Variants in HSD17B4 observed in about 807,000 individuals in gnomAD.
The protein encoded by HSD17B4 is hydroxysteroid 17-beta dehydrogenase 4.
In HSD17B4, 70 loss-of-function variants were observed where a neutral mutation model predicts 101.0. The observed-to-expected ratio is 0.69, with a 90% CI of 0.57 to 0.85. The LOEUF is 0.85. HSD17B4 is among the 40% of genes least tolerant of loss of function. The pLI, the probability that HSD17B4 is intolerant of heterozygous loss-of-function variation, is 0.00. For synonymous variants in HSD17B4, 347 were observed against 297.1 expected (o/e 1.17, Z -1.73); for missense variants, 984 against 892.4 (o/e 1.10, Z -1.31).
At chr5:119,481,843 C>T (rs1749165815) in intron 8 of HSD17B4, among the ~76,000 whole-genome samples, 1 of 152,120 alleles carries the variant, frequency 6.6e-6, no homozygotes, top group Admixed American at 6.6e-5. Flanking sequence ...TCACTTTCCT[C>T]TTGGTTACAT....
At chr5:119,483,945 G>A (rs1321517614) in intron 8 of HSD17B4, among the ~76,000 whole-genome samples, 4 of 152,000 alleles carry the variant, frequency 2.6e-5, no homozygotes, top group Admixed American at 2.0e-4. Context: ...GATATTTTTC[G>A]AGTTGGTTTA....
At chr5:119,484,592 CATA>C (rs1389674936) in intron 8 of HSD17B4, among the ~76,000 whole-genome samples, 1 of 152,086 alleles carries the variant, frequency 6.6e-6, no homozygotes, top group Non-Finnish European at 1.5e-5. Context: ...AGAAAATCTA[CATA>C]ATACTTTAAA....
chr5:119,508,219 A>G (rs1580649610), intron 15 of HSD17B4, among the ~76,000 whole-genome samples: 1 of 137,690 alleles, frequency 7.3e-6, no homozygotes, highest in African/African-American at 2.6e-5. Flanking sequence ...ATTGAACCAA[A>G]TGTAACATAC....
chr5:119,493,290 A>G (rs1325035261), intron 10 of HSD17B4: 1 of 156,644 alleles, frequency 6.4e-6, no homozygotes, highest in Admixed American at 6.2e-5. Flanking sequence ...TGTGCATTCT[A>G]ACTGACTTCT....
chr5:119,461,034 A>C (rs1447061541), intron 2 of HSD17B4, among the ~76,000 whole-genome samples: 1 of 152,172 alleles, frequency 6.6e-6, no homozygotes. Context: ...AGATGAGGGC[A>C]GAGGGGTCCT....
chr5:119,452,687 T>C (rs1355033799), intron 1 of HSD17B4, 54 bp downstream of exon 1: 1 of 1,611,078 alleles, frequency 6.2e-7, no homozygotes, highest in Non-Finnish European at 8.5e-7. Context: ...AGCTGGCTGC[T>C]CTTTTCGGGC....
Position 119,529,984 on chromosome 5 carries a change from G to A in HSD17B4, c.1854+4G>A. 6.4e-7 allele frequency: 1 copy of A among 1,572,570 alleles called. No individual in the cohort carries two copies. Among genetic ancestry groups the A allele is most frequent in the Non-Finnish European group, 8.8e-7 (1 of 1,142,840 alleles). ...TTCAGCTAAGACACCCTCTGAGGTA[G>A]GTTATAAAAATTAGTATCCAAGCCA... On this transcript the variant is annotated splice_donor_region_variant and intron_variant, in intron 21 of 23. Transcript: ENST00000510025.
At chr5:119,471,365 G>A (rs998370540) in intron 2 of HSD17B4, among the ~76,000 whole-genome samples, 54 of 151,792 alleles carry the variant, frequency 3.6e-4, no homozygotes, top group African/African-American at 1.3e-3. Flanking sequence ...AAAAATCTCA[G>A]TCCACATTTT....
At chr5:119,495,068 C>T (rs1750508222) in intron 11 of HSD17B4, among the ~76,000 whole-genome samples, 2 of 151,340 alleles carry the variant, frequency 1.3e-5, no homozygotes, top group Admixed American at 6.6e-5. Context: ...TGATACTTTC[C>T]TACCTACTGG....
chr5:119,527,055 T>G, intron 19 of HSD17B4, 78 bp from the exon 20 acceptor site: 1 of 831,134 alleles, frequency 1.2e-6, no homozygotes, highest in East Asian at 2.5e-5. Flanking sequence ...CTCTCTAGTT[T>G]CCTTTCCAAT....
intron 23 of HSD17B4, among the ~76,000 whole-genome samples, chr5:119,538,298 A>G (rs921890927): frequency 6.6e-6 from 1 of 152,060 alleles, no homozygotes; most frequent in African/African-American, 2.4e-5. Flanking sequence ...TCTCCAAAAT[A>G]TATCTTGAAT....
At chr5:119,484,711 C>G (rs1749457058) in intron 8 of HSD17B4, among the ~76,000 whole-genome samples, 4 of 152,098 alleles carry the variant, frequency 2.6e-5, no homozygotes, top group Admixed American at 2.6e-4. Flanking sequence ...CACATTTGAA[C>G]TAACATTCAT....
In HSD17B4 at chr5:119,506,646, G is replaced by A. The variant is rs140320013; in HGVS notation, c.1262-172G>A. On this transcript the variant is annotated intron_variant, in intron 14 of 23. Transcript: ENST00000510025. ...ACACTCCCACCAACAGTGTAAAAGC[G>A]TTCTTATTTCTCCACATCCTCTGCA... is the stretch of plus-strand genomic sequence containing the variant. 3.0e-3 allele frequency among the ~76,000 whole-genome samples: 463 copies of A among 152,300 alleles called. 1 individual carries two copies. Among genetic ancestry groups the A allele is most frequent in the African/African-American group, 0.011 (440 of 41,558 alleles).
chr5:119,512,394 G>A (rs1752255223), intron 16 of HSD17B4, among the ~76,000 whole-genome samples: 1 of 152,068 alleles, frequency 6.6e-6, no homozygotes, highest in Non-Finnish European at 1.5e-5. Flanking sequence ...TCTCTTCATT[G>A]TAGTAAAAGT....
intron 12 of HSD17B4, among the ~76,000 whole-genome samples, chr5:119,496,929 A>G (rs768499796): frequency 4.6e-5 from 7 of 152,234 alleles, no homozygotes; most frequent in Non-Finnish European, 7.3e-5. Flanking sequence ...GATGAATTCT[A>G]ACACTGTCCA....
chr5:119,459,672 A>G lies in HSD17B4; in HGVS notation c.112+3304A>G, dbSNP rs559439011. On this transcript the variant is annotated intron_variant, in intron 2 of 23. Coordinates refer to ENST00000510025, the MANE Select transcript of HSD17B4 (RefSeq NM_000414.4). ...CTGGTGGGGACTCTGTAGAGTCCCGAGATGGCACAGGGCGTCACAGGGCAA... is the reference window on the plus strand; with the variant it reads ...CTGGTGGGGACTCTGTAGAGTCCCGGGATGGCACAGGGCGTCACAGGGCAA... Among the ~76,000 whole-genome samples, 67 of 152,240 alleles carry G rather than the reference A, an allele frequency of 4.4e-4. 1 individual carries two copies. The highest frequency in any genetic ancestry group is 1.6e-3 in the African/African-American group (65 of 41,536).
intron 23 of HSD17B4, among the ~76,000 whole-genome samples, chr5:119,537,852 A>G (rs970403414): frequency 2.6e-5 from 4 of 152,124 alleles, no homozygotes; most frequent in Non-Finnish European, 5.9e-5. Context: ...TTGTTTGCCA[A>G]CCCTTGAGTT....
At chr5:119,465,185 C>T (rs139210212) in intron 2 of HSD17B4, among the ~76,000 whole-genome samples, 1 of 152,112 alleles carries the variant, frequency 6.6e-6, no homozygotes, top group Non-Finnish European at 1.5e-5. Flanking sequence ...TTCTTCCAAT[C>T]CATGAATGGG....
At chr5:119,474,151 C>A in intron 3 of HSD17B4, 136 bp downstream of exon 3, 1 of 690,392 alleles carries the variant, frequency 1.4e-6, no homozygotes, top group Non-Finnish European at 2.6e-6. Flanking sequence ...TTTCTGACTA[C>A]ATATTTTATA....
Sources: gnomAD v4.1 joint callset for allele counts (sites outside exome capture counted in the v4.1 genomes callset) on GRCh38, gnomAD v4.1.1 for gene constraint, MANE v1.5 for transcripts, NCBI Gene and HGNC (gene_info 2026-07-23, HGNC 2026-07-21) for gene names.